Variants in LRP2 observed in about 807,000 individuals in gnomAD.
The protein encoded by LRP2 is low-density lipoprotein receptor-related protein 2.
LRP2 carries 172 observed loss-of-function variants against 531.0 expected under a neutral mutation model. The observed-to-expected ratio is 0.32, with a 90% CI of 0.29 to 0.37. The LOEUF (loss-of-function observed/expected upper bound fraction) is 0.37, where lower values mean the gene tolerates loss of function less well. LRP2 is among the 10% of genes least tolerant of loss of function. The pLI, the probability that LRP2 is intolerant of heterozygous loss-of-function variation, is 1.00. For missense variants in LRP2, 5,167 were observed against 5,868.3 expected, an observed-to-expected ratio of 0.88 and a Z score of 3.90; for synonymous variants, 1,992 against 2,027.6, an observed-to-expected ratio of 0.98 and a Z score of 0.47.
intron 29 of LRP2, among the ~76,000 whole-genome samples, chr2:169,235,220 T>C (rs1326174077): frequency 6.9e-6 from 1 of 145,010 alleles, no homozygotes; most frequent in Non-Finnish European, 1.5e-5. Context: ...CCAAGTTAAG[T>C]TATAAATTTT....
In LRP2 at chr2:169,138,649, C is replaced by G. The variant is rs1685604554; in HGVS notation, c.13446G>C (p.Gly4482=). ...CTCCAATATCCATGTTAAGATCTGC[C>G]CCTGATCTGAAGGTCACCCCATTCC... ...ENGNGVTFRS[G]ADLNMDIGVS... is the part of the protein sequence containing the mutation. The change falls in exon 75 of 79, where the codon GGG becomes GGC. Residue 4482 remains glycine, a synonymous_variant. Coordinates refer to ENST00000649046, the MANE Select transcript of LRP2 (RefSeq NM_004525.3). 6.2e-7 allele frequency: 1 copy of G among 1,613,970 alleles called. No homozygotes were observed.
intron 4 of LRP2, among the ~76,000 whole-genome samples, chr2:169,302,038 A>C (rs1402598720): frequency 1.3e-5 from 2 of 152,088 alleles, no homozygotes; most frequent in African/African-American, 4.8e-5. Flanking sequence ...TCTATTTCTG[A>C]GAAATAGAAA....
In LRP2 at chr2:169,226,447, T is replaced by C; in HGVS notation, c.5369A>G (p.Gln1790Arg). The C allele has an allele frequency of 6.2e-7, 1 of 1,613,708 alleles. No homozygotes were observed. Among genetic ancestry groups the C allele is most frequent in the Admixed American group, 1.7e-5 (1 of 60,020 alleles). The change falls in exon 32 of 79, where the codon CAA becomes CGA. Residue 1790 changes from glutamine to arginine, a missense_variant. Physicochemically the swap from Gln to Arg is conservative, Grantham distance 43 (BLOSUM62 1). Around this residue, in one of 6 missense-constraint regions of LRP2, gnomAD observed 2,811 missense variants for 3,058.0 expected, o/e 0.92. Transcript: ENST00000649046. ...GLDVEFDDAE[Q>R]YIYWVENPGE... ...TGGATTTTCAACCCAATAGATGTATTGCTCAGCATCATCAAATTCAACATC... is the reference window on the plus strand; with the variant it reads ...TGGATTTTCAACCCAATAGATGTATCGCTCAGCATCATCAAATTCAACATC...
intron 31 of LRP2, among the ~76,000 whole-genome samples, chr2:169,227,589 A>T (rs576861562): frequency 6.6e-6 from 1 of 152,316 alleles, no homozygotes; most frequent in African/African-American, 2.4e-5. Flanking sequence ...TGAAATGATT[A>T]ATCATTACAC....
In LRP2 at chr2:169,206,624, G is replaced by A. The variant is rs1244419789; in HGVS notation, c.7096C>T (p.Pro2366Ser). ...GTCCCAAAGGCACAGTCACATTTTG[G>A]GGTGTGCAATCCAGGCAGAGCAAAG... ...LCFALPGLHT[P>S]KCDCAFGTLQ... Residue 2366 changes from proline (P) to serine (S), a missense_variant, in exon 39 of 79, where the codon CCA becomes TCA. This residue lies in a region of LRP2 where 2,811 missense variants were observed against 3,058.0 expected (regional missense o/e 0.92). Coordinates refer to ENST00000649046, the MANE Select transcript of LRP2 (RefSeq NM_004525.3). 2.5e-6 allele frequency: 4 copies of A among 1,614,104 alleles called. No individual in the cohort carries two copies. In the African/African-American group the frequency reaches 5.3e-5, roughly 22 times the overall value.
In LRP2 at chr2:169,154,553, T is replaced by C; in HGVS notation, c.12202A>G (p.Asn4068Asp). The part of the protein sequence containing the change: ...LPDNVRIRKY[N>D]LSSERFSEYL... ...TCTGAGAACCTCTCAGATGAGAGAT[T>C]ATATTTTCGAATTCGGACATTGTCA... The change falls in exon 66 of 79, where the codon AAT (asparagine) becomes GAT (aspartate). Residue 4068 changes from asparagine (N) to aspartate (D), a missense_variant. By Grantham distance (23) the Asn-to-Asp change is conservative (BLOSUM62 1). Coordinates refer to ENST00000649046, the MANE Select transcript of LRP2 (RefSeq NM_004525.3). 1 of 1,613,530 alleles carries C rather than the reference T, an allele frequency of 6.2e-7. No individual in the cohort carries two copies. The highest frequency in any genetic ancestry group is 8.5e-7 in the Non-Finnish European group (1 of 1,179,558).
chr2:169,329,889 C>G (rs831024), intron 1 of LRP2, among the ~76,000 whole-genome samples: 8,994 of 152,308 alleles, frequency 0.059, 376 homozygotes, highest in Non-Finnish European at 0.088. Context: ...GGCTACACAG[C>G]AGCAGGTGAG....
chr2:169,292,130 A>T (rs2105468976), intron 7 of LRP2, 123 bp downstream of exon 7: 1 of 795,982 alleles, frequency 1.3e-6, no homozygotes, highest in Non-Finnish European at 2.2e-6. Context: ...CAACCCCTTC[A>T]ACTCCAGCCA....
chr2:169,186,148 A>T (rs1176316741), intron 49 of LRP2, 129 bp from the exon 50 acceptor site: 8 of 781,478 alleles, frequency 1.0e-5, no homozygotes, highest in Non-Finnish European at 1.2e-5. Flanking sequence ...GACAACAAAG[A>T]CTTCCAAAGA....
rs748742356 is a variant in LRP2 at position 169,154,526 on chromosome 2, A to T, written c.12229T>A (p.Tyr4077Asn). 6.2e-7 allele frequency: 1 copy of T among 1,611,250 alleles called. No homozygotes were observed. The highest frequency in any genetic ancestry group is 8.5e-7 in the Non-Finnish European group (1 of 1,177,514). Residue 4077 changes from tyrosine (Y) to asparagine (N), a missense_variant, in exon 66 of 79, where the codon TAT becomes AAT. Physicochemically the swap from Tyr to Asn is moderately radical, Grantham distance 143. Around this residue, in one of 6 missense-constraint regions of LRP2, gnomAD observed 564 missense variants for 747.7 expected, o/e 0.75. Transcript: ENST00000649046. ...TGGATATATTCCTCATCTTGAAGATACTCTGAGAACCTCTCAGATGAGAGA... is the reference window on the plus strand; with the variant it reads ...TGGATATATTCCTCATCTTGAAGATTCTCTGAGAACCTCTCAGATGAGAGA... ...YNLSSERFSE[Y>N]LQDEEYIQAV...
intron 52 of LRP2, among the ~76,000 whole-genome samples, chr2:169,180,232 T>C (rs950870668): frequency 1.3e-5 from 2 of 152,182 alleles, no homozygotes; most frequent in African/African-American, 4.8e-5. Flanking sequence ...TAATTCAATA[T>C]AGGATTATAT....
At chr2:169,156,923 C>T (rs1686352524) in intron 64 of LRP2, among the ~76,000 whole-genome samples, 2 of 152,228 alleles carry the variant, frequency 1.3e-5, no homozygotes, top group African/African-American at 2.4e-5. Flanking sequence ...AAATCATGCT[C>T]ATCACTCACC....
At chr2:169,349,706 G>A (rs1685793753) in intron 1 of LRP2, among the ~76,000 whole-genome samples, 1 of 152,148 alleles carries the variant, frequency 6.6e-6, no homozygotes, top group Admixed American at 6.5e-5. Context: ...ATTAAGCAAG[G>A]CCATTTCAGC....
intron 18 of LRP2, 48 bp from the exon 19 acceptor site, chr2:169,256,284 G>A: frequency 1.9e-6 from 3 of 1,565,016 alleles, no homozygotes; most frequent in African/African-American, 2.7e-5. Context: ...AACTATCAGA[G>A]CACCCTTTAC....
intron 50 of LRP2, chr2:169,182,742 A>G (rs1226550130): frequency 2.4e-6 from 1 of 419,882 alleles, no homozygotes; most frequent in Non-Finnish European, 3.2e-6. Flanking sequence ...GCACAGAGAA[A>G]CTCTGAATTA....
intron 64 of LRP2, among the ~76,000 whole-genome samples, 170 bp downstream of exon 64, chr2:169,157,201 T>G (rs1053405106): frequency 3.9e-5 from 6 of 152,120 alleles, no homozygotes; most frequent in African/African-American, 7.2e-5. Flanking sequence ...ATAGCATGCA[T>G]GCAGGTGGGG....
intron 37 of LRP2, 83 bp downstream of exon 37, chr2:169,211,885 A>G (rs1330262640): frequency 1.3e-6 from 2 of 1,558,866 alleles, no homozygotes; most frequent in Non-Finnish European, 1.8e-6. Flanking sequence ...GAATCCACAC[A>G]TGAAGAAATG....
chr2:169,345,265 G>C (rs1685666760), intron 1 of LRP2, among the ~76,000 whole-genome samples: 1 of 152,134 alleles, frequency 6.6e-6, no homozygotes, highest in Non-Finnish European at 1.5e-5. Flanking sequence ...CCAAGTTTGG[G>C]GAAATTTTGT....
At chr2:169,361,380 C>CTCTG (rs1296401715) in intron 1 of LRP2, among the ~76,000 whole-genome samples, 2 of 143,110 alleles carry the variant, frequency 1.4e-5, no homozygotes, top group Non-Finnish European at 3.1e-5. Flanking sequence ...CTCTCTCCCT[C>CTCTG]TCTCTCTCTC....
Sources: allele counts gnomAD v4.1 joint callset (sites outside exome capture counted in the v4.1 genomes callset), GRCh38; gene constraint gnomAD v4.1.1; regional missense constraint gnomAD v4.1.1; transcripts MANE v1.5; gene names NCBI Gene and HGNC (gene_info 2026-07-23, HGNC 2026-07-21).